The following LRP1B variants were observed in gnomAD, a reference collection of about 807,000 sequenced individuals.
LRP1B encodes low-density lipoprotein receptor-related protein 1B.
A neutral mutation model predicts 556.6 loss-of-function variants in LRP1B; 217 were observed. The ratio of observed to expected loss-of-function variants is 0.39; its 90% CI spans 0.35 to 0.44. The LOEUF is 0.44. LRP1B is among the 20% of genes least tolerant of loss of function. The pLI, the probability that LRP1B is intolerant of heterozygous loss-of-function variation, is 1.00. For synonymous variants in LRP1B, 2,047 were observed against 1,865.8 expected (o/e 1.10, Z -2.50); for missense variants, 5,053 against 5,620.8 (o/e 0.90, Z 3.23).
intron 49 of LRP1B, among the ~76,000 whole-genome samples, chr2:140,521,447 CATAG>C (rs1395631585): frequency 6.6e-6 from 1 of 151,962 alleles, no homozygotes; most frequent in Non-Finnish European, 1.5e-5. Context: ...CACTAACCTC[CATAG>C]ATAAAGGAGA....
intron 1 of LRP1B, among the ~76,000 whole-genome samples, chr2:141,972,826 C>G (rs1701782159): frequency 1.3e-5 from 2 of 151,690 alleles, no homozygotes; most frequent in Admixed American, 1.3e-4. Flanking sequence ...ATTAAAGTAT[C>G]AACATTGAAA....
At chr2:142,082,183 G>A (rs769764845) in intron 1 of LRP1B, among the ~76,000 whole-genome samples, 2 of 152,116 alleles carry the variant, frequency 1.3e-5, no homozygotes, top group African/African-American at 4.8e-5. Context: ...GAAAATAAAT[G>A]AGATTATTAG....
At position 140,495,472 on chromosome 2, in the gene LRP1B, T is replaced by A. The variant is rs145484260; in HGVS notation, c.9034+93A>T. Reference sequence around the variant, plus strand: ...GAAGAATTTTGATTTTTCAGAAGCATCAAGGAGGAGTGAATTCAATAAGAA... The same window carrying A: ...GAAGAATTTTGATTTTTCAGAAGCAACAAGGAGGAGTGAATTCAATAAGAA... On this transcript the variant is annotated intron_variant, in intron 56 of 90. Transcript: ENST00000389484. 7.9e-4 allele frequency: 932 copies of A among 1,179,908 alleles called. 10 individuals carry two copies. In the African/African-American group the frequency reaches 0.012, roughly 15 times the overall value. 73.1% of individuals were successfully genotyped at this position (1,179,908 alleles called of 1,614,324 possible). A position where few individuals can be genotyped will look rare whatever the true frequency, so the allele number is the denominator to read the frequency against.
chr2:140,509,570 T>C (rs904590944), intron 52 of LRP1B, among the ~76,000 whole-genome samples: 1 of 152,112 alleles, frequency 6.6e-6, no homozygotes, highest in African/African-American at 2.4e-5. Context: ...ACAGACAATC[T>C]AAAAGCCTTC....
intron 87 of LRP1B, among the ~76,000 whole-genome samples, chr2:140,240,359 T>C (rs1364083346): frequency 6.6e-6 from 1 of 150,758 alleles, no homozygotes; most frequent in East Asian, 2.0e-4. Flanking sequence ...TGAAATTTGG[T>C]CTTTGTTTTT....
chr2:141,631,933 G>T (rs1688927594), intron 2 of LRP1B, among the ~76,000 whole-genome samples: 1 of 151,580 alleles, frequency 6.6e-6, no homozygotes, highest in Admixed American at 6.6e-5. Flanking sequence ...TTTTAGACAG[G>T]GTTTCAGTCT....
intron 84 of LRP1B, among the ~76,000 whole-genome samples, chr2:140,282,751 T>G (rs2104968737): frequency 6.6e-6 from 1 of 151,928 alleles, no homozygotes; most frequent in South Asian, 2.1e-4. Context: ...ATGTCAGATG[T>G]TATCCACTGC....
At chr2:140,262,620 C>G (rs1055702474) in intron 86 of LRP1B, among the ~76,000 whole-genome samples, 2 of 152,100 alleles carry the variant, frequency 1.3e-5, no homozygotes, top group Non-Finnish European at 2.9e-5. Context: ...ATGGGTCCCT[C>G]TAGTGTTGTC....
chr2:141,600,377 G>C (rs973810925), intron 2 of LRP1B, among the ~76,000 whole-genome samples: 1 of 152,174 alleles, frequency 6.6e-6, no homozygotes, highest in African/African-American at 2.4e-5. Flanking sequence ...ACATTGGTCA[G>C]AGATTTATTG....
intron 1 of LRP1B, among the ~76,000 whole-genome samples, chr2:141,894,361 C>A (rs1699373856): frequency 6.6e-6 from 1 of 151,766 alleles, no homozygotes; most frequent in Admixed American, 6.6e-5. Context: ...TTTCTTCCTG[C>A]CTGCCCTACC....
At chr2:141,380,876 G>A (rs1249813295) in intron 3 of LRP1B, among the ~76,000 whole-genome samples, 1 of 152,114 alleles carries the variant, frequency 6.6e-6, no homozygotes, top group Non-Finnish European at 1.5e-5. Context: ...ATGGTGGTTA[G>A]GATAAGCTCA....
chr2:141,461,321 C>T (rs1362916949), intron 3 of LRP1B, among the ~76,000 whole-genome samples: 1 of 152,002 alleles, frequency 6.6e-6, no homozygotes, highest in Non-Finnish European at 1.5e-5. Flanking sequence ...TAAAATTGAC[C>T]AATGGTTATA....
At chr2:142,039,208 T>G (rs1185216130) in intron 1 of LRP1B, among the ~76,000 whole-genome samples, 2 of 151,442 alleles carry the variant, frequency 1.3e-5, no homozygotes, top group Non-Finnish European at 3.0e-5. Context: ...TAATTGAAAT[T>G]TTTTTCATGA....
intron 1 of LRP1B, among the ~76,000 whole-genome samples, chr2:142,028,439 G>A (rs534373459): frequency 1.3e-5 from 2 of 151,980 alleles, no homozygotes; most frequent in South Asian, 2.1e-4. Context: ...CAGTATAGCA[G>A]CATTTTGATT....
chr2:141,984,100 C>G (rs549030818), intron 1 of LRP1B, among the ~76,000 whole-genome samples: 6 of 152,200 alleles, frequency 3.9e-5, no homozygotes, highest in Admixed American at 6.5e-5. Flanking sequence ...TTTAGTCCAG[C>G]CTGCTGGAGT....
intron 7 of LRP1B, among the ~76,000 whole-genome samples, chr2:141,100,199 C>T (rs181419792): frequency 2.0e-5 from 3 of 152,280 alleles, no homozygotes; most frequent in Non-Finnish European, 2.9e-5. Flanking sequence ...ATCCTTAGTA[C>T]TAACACTTCT....
chr2:140,354,322 C>A (rs1269547117), intron 75 of LRP1B, among the ~76,000 whole-genome samples: 1 of 152,210 alleles, frequency 6.6e-6, no homozygotes, highest in African/African-American at 2.4e-5. Context: ...ATCACAACGT[C>A]AAGGCTTAAA....
At chr2:142,007,152 G>A (rs1702828502) in intron 1 of LRP1B, among the ~76,000 whole-genome samples, 1 of 152,038 alleles carries the variant, frequency 6.6e-6, no homozygotes, top group African/African-American at 2.4e-5. Context: ...AATAATTATG[G>A]TCTTTTAAAC....
Position 140,321,982 on chromosome 2 carries a change from G to A in LRP1B, c.12621C>T (p.Cys4207=), listed in dbSNP as rs1680163364. The change falls in exon 82 of 91, where the codon TGC becomes TGT. Residue 4207 remains cysteine, a synonymous_variant. Transcript: ENST00000389484. ...PEGKYLINGT[C]NDDSLLDDSC... ...ACCCACCTAACAGGCTGTCATCATT[G>A]CAGGTGCCATTAATCAAATATTTTC... 3 of 1,612,782 alleles carry A rather than the reference G, an allele frequency of 1.9e-6. No individual in the cohort carries two copies. The highest frequency in any genetic ancestry group is 1.3e-5 in the African/African-American group (1 of 74,820).
Sources: allele counts gnomAD v4.1 joint callset (sites outside exome capture counted in the v4.1 genomes callset), GRCh38; gene constraint gnomAD v4.1.1; transcripts MANE v1.5; gene names NCBI Gene and HGNC (gene_info 2026-07-23, HGNC 2026-07-21).